CRACR2B: variants seen among roughly 807,000 people sequenced by gnomAD.
CRACR2B encodes calcium release activated channel regulator 2B.
In CRACR2B, 50 loss-of-function variants were observed where a neutral mutation model predicts 46.0. That is an observed-to-expected ratio of 1.09 (90% CI 0.87 to 1.38). The LOEUF (loss-of-function observed/expected upper bound fraction) is 1.38, where lower values mean the gene tolerates loss of function less well. Ranked by LOEUF, CRACR2B falls within the 40% of genes most tolerant of loss-of-function variation. CRACR2B has a pLI of 0.00. For missense variants in CRACR2B, 667 were observed against 535.0 expected (o/e 1.25, Z -2.43); for synonymous variants, 277 against 239.6 (o/e 1.16, Z -1.44).
In CRACR2B at chr11:830,665, G is replaced by A; in HGVS notation, c.738G>A (p.Leu246=). ...GERRSRLELE[L]QSREQDLERA... is the part of the protein sequence containing the mutation. ...GGAGAAGCCGTCTGGAGCTGGAGCT[G>A]CAGAGCCGCGAGCAGGACCTGGAAC... The change falls in exon 6 of 9, where the codon CTG becomes CTA. Residue 246 remains leucine (L), a synonymous_variant. Coordinates refer to ENST00000525077, the MANE Select transcript of CRACR2B (RefSeq NM_001286606.2). The A allele has an allele frequency of 1.3e-6, 2 of 1,547,452 alleles. No individual in the cohort carries two copies. The highest frequency in any genetic ancestry group is 1.7e-6 in the Non-Finnish European group (2 of 1,146,228).
At chr11:830,391 C>T (rs1218250472) in intron 5 of CRACR2B, 54 bp downstream of exon 5, 3 of 1,536,398 alleles carry the variant, frequency 2.0e-6, no homozygotes, top group East Asian at 4.9e-5. Context: ...TCGCTGGCCT[C>T]CCTGGCTCCG....
At position 828,517 on chromosome 11, in the gene CRACR2B, A is replaced by T. The variant is rs1846079712; in HGVS notation, c.-91A>T. 3.5e-6 allele frequency: 5 copies of T among 1,426,478 alleles called. No individual in the cohort carries two copies. Among genetic ancestry groups the T allele is most frequent in the Non-Finnish European group, 4.6e-6 (5 of 1,086,942 alleles). The allele number at this position is 1,426,478 out of a possible 1,614,324, so 88.4% of individuals were successfully genotyped here. On this transcript the variant is annotated 5_prime_UTR_variant, in exon 1 of 9. Transcript: ENST00000525077. ...GGCCCTCGGCTGAGCCTTCAGACAC[A>T]CTTGCACCCCATCCGCTCCCCTCCT...
upstream of CRACR2B, chr11:827,253 G>T (rs112203350): frequency 2.6e-5 from 4 of 152,240 alleles, no homozygotes; most frequent in Non-Finnish European, 5.9e-5. Flanking sequence ...GCTGGGGCGG[G>T]GCGCGCCCAG....
chr11:830,094 G>A lies in CRACR2B; in HGVS notation c.567G>A (p.Ala189=). ...GCGCGTCGGCCTGCCTGGAGGAGGC[G>A]GCCCGGGAGCGCGACGGCCTGGAGC... The part of the protein sequence containing the change: ...LIRASACLEE[A]ARERDGLEQA... Residue 189 remains alanine, a synonymous_variant, in exon 4 of 9, where the codon GCG becomes GCA. Transcript: ENST00000525077. The A allele has an allele frequency of 1.9e-6, 3 of 1,543,030 alleles. No homozygotes were observed. Among genetic ancestry groups the A allele is most frequent in the Non-Finnish European group, 2.6e-6 (3 of 1,149,348 alleles).
chr11:826,547 T>C (rs988354096), upstream of CRACR2B, among the ~76,000 whole-genome samples: 1 of 152,270 alleles, frequency 6.6e-6, no homozygotes. Context: ...TGTTTTGTTT[T>C]GAGATGGAGT....
Position 828,942 on chromosome 11 carries a change from A to C in CRACR2B, c.256A>C (p.Arg86=). Residue 86 remains arginine, a synonymous_variant, in exon 2 of 9, where the codon AGG becomes CGG. Coordinates refer to ENST00000525077, the MANE Select transcript of CRACR2B (RefSeq NM_001286606.2). ...DRAHTGFLTA[R]EFCLGLGMFV... The stretch of plus-strand genomic sequence containing the variant: ...GGCTCACACTGGCTTCCTCACCGCC[A>C]GGGAGTTCTGCCTGGGCCTGGGTGA... The C allele has an allele frequency of 6.2e-7, 1 of 1,605,636 alleles. No individual in the cohort carries two copies. The highest frequency in any genetic ancestry group is 8.5e-7 in the Non-Finnish European group (1 of 1,179,920).
chr11:830,207 A>G, intron 4 of CRACR2B, 43 bp from the exon 5 acceptor site: 1 of 1,494,230 alleles, frequency 6.7e-7, no homozygotes, highest in South Asian at 1.3e-5. Context: ...AGGGGGCTGT[A>G]GCGCTGGCAA....
chr11:830,832 G>A lies in CRACR2B; in HGVS notation c.787-34G>A, dbSNP rs763056469. On this transcript the variant is annotated intron_variant, in intron 6 of 8. Transcript: ENST00000525077. ...CGCAGCACCCCGGGGAAGAGGGGGCGTTCCTCGCCGGTCTCCATCCTTCCA... is the reference window on the plus strand; with the variant it reads ...CGCAGCACCCCGGGGAAGAGGGGGCATTCCTCGCCGGTCTCCATCCTTCCA... 2.1e-5 allele frequency: 32 copies of A among 1,496,492 alleles called. 2 individuals are homozygous for A. In the South Asian group the frequency reaches 3.9e-4, roughly 18 times the overall value. 92.7% of individuals were successfully genotyped at this position (1,496,492 alleles called of 1,614,324 possible).
chr11:828,672 G>A lies in CRACR2B; in HGVS notation c.65G>A (p.Gly22Asp), dbSNP rs904439343. 3 of 1,609,580 alleles carry A rather than the reference G, an allele frequency of 1.9e-6. No individual in the cohort carries two copies. Among genetic ancestry groups the A allele is most frequent in the South Asian group, 1.1e-5 (1 of 90,810 alleles). The change falls in exon 1 of 9, where the codon GGC becomes GAC. Residue 22 changes from glycine (G) to aspartate (D), a missense_variant. By Grantham distance (94) the Gly-to-Asp change is moderately conservative. Transcript: ENST00000525077. ...GAGGAGGAGGGGGAACTCGAGGGGG[G>A]CTCTGCAGGGCCGCGGGCTGCAATA... ...AQEEEGELEG[G>D]SAGPRAAILE... is the part of the protein sequence containing the mutation.
chr11:828,278 T>G lies in CRACR2B; in HGVS notation c.-330T>G. 1.2e-5 allele frequency: 4 copies of G among 325,632 alleles called. No homozygotes were observed. The highest frequency in any genetic ancestry group is 7.0e-5 in the East Asian group (1 of 14,198). 20.2% of individuals were successfully genotyped at this position (325,632 alleles called of 1,614,324 possible). On this transcript the variant is annotated 5_prime_UTR_variant, in exon 1 of 9. Coordinates refer to ENST00000525077, the MANE Select transcript of CRACR2B (RefSeq NM_001286606.2). ...TCACCAGGTCTTCTCCACTGGCCCC[T>G]GAGATTGCCATCACCTCCAGCTCCT... is the stretch of plus-strand genomic sequence containing the variant.
rs548024523 is a variant in CRACR2B, at chr11:829,663, T to C, written c.458+123T>C. On this transcript the variant is annotated intron_variant, in intron 3 of 8. Coordinates refer to ENST00000525077, the MANE Select transcript of CRACR2B (RefSeq NM_001286606.2). ...TCTCTAGGCCGGGTCAGGCCCAGCC[T>C]AGCGTCAGCTGCGATTCCCTGGGAG... is the stretch of plus-strand genomic sequence containing the variant. 4 of 1,163,312 alleles carry C rather than the reference T, an allele frequency of 3.4e-6. No homozygotes were observed. The African/African-American group carries it at 6.3e-5, about 18-fold the overall frequency. 72.1% of individuals were successfully genotyped at this position (1,163,312 alleles called of 1,614,324 possible). A position where few individuals can be genotyped will look rare whatever the true frequency, so the allele number is the denominator to read the frequency against.
At position 831,205 on chromosome 11, in the gene CRACR2B, C is replaced by T. The variant is rs191318331; in HGVS notation, c.954-19C>T. The T allele has an allele frequency of 6.2e-7, 1 of 1,610,496 alleles. No homozygotes were observed. ...CCAAGGAGCCTTCCTGCAGCCGGGT[C>T]ACCACCTCCCATCCACAGAGACGTG... is the stretch of plus-strand genomic sequence containing the variant. On this transcript the variant is annotated intron_variant, in intron 7 of 8. Coordinates refer to ENST00000525077, the MANE Select transcript of CRACR2B (RefSeq NM_001286606.2).
chr11:830,120 A>G lies in CRACR2B; in HGVS notation c.593A>G (p.Gln198Arg), dbSNP rs145926870. 0.04 allele frequency: 62,188 copies of G among 1,535,952 alleles called. 1,464 individuals carry two copies. The highest frequency in any genetic ancestry group is 0.046 in the Non-Finnish European group (52,273 of 1,146,082). Reference sequence around the variant, plus strand: ...GCCCGGGAGCGCGACGGCCTGGAGCAGGCGCTGCGGAGGTGAGGGCCGGGG... The same window carrying G: ...GCCCGGGAGCGCGACGGCCTGGAGCGGGCGCTGCGGAGGTGAGGGCCGGGG... ...EAARERDGLE[Q>R]ALRRRESEHE... Residue 198 changes from glutamine (Q) to arginine (R), a missense_variant, in exon 4 of 9, where the codon CAG (glutamine) becomes CGG (arginine). Physicochemically the swap from Gln to Arg is conservative, Grantham distance 43. Coordinates refer to ENST00000525077, the MANE Select transcript of CRACR2B (RefSeq NM_001286606.2).
At chr11:829,137 G>A in intron 2 of CRACR2B, 174 bp downstream of exon 2, 2 of 1,252,536 alleles carry the variant, frequency 1.6e-6, no homozygotes, top group Non-Finnish European at 2.2e-6. Context: ...TGGAGTGTGT[G>A]GAGCTGACCT....
At position 830,973 on chromosome 11, in the gene CRACR2B, G is replaced by T; in HGVS notation, c.894G>T (p.Ala298=). The stretch of plus-strand genomic sequence containing the variant: ...CGCTGCGAACGCAGCTGGAGGGGGC[G>T]CAGGAGCAGATCCGCAGGCTGGAGA... ...HEALRTQLEG[A]QEQIRRLESE... The change falls in exon 7 of 9, where the codon GCG becomes GCT. Residue 298 remains alanine, a synonymous_variant. Coordinates refer to ENST00000525077, the MANE Select transcript of CRACR2B (RefSeq NM_001286606.2). 6.5e-7 allele frequency: 1 copy of T among 1,533,716 alleles called. No individual in the cohort carries two copies. The highest frequency in any genetic ancestry group is 8.7e-7 in the Non-Finnish European group (1 of 1,146,634).
At position 829,442 on chromosome 11, in the gene CRACR2B, C is replaced by A; in HGVS notation, c.360C>A (p.Asp120Glu). 2 of 1,610,652 alleles carry A rather than the reference C, an allele frequency of 1.2e-6. No homozygotes were observed. Among genetic ancestry groups the A allele is most frequent in the East Asian group, 4.5e-5 (2 of 44,770 alleles). Residue 120 changes from aspartate to glutamate, a missense_variant, in exon 3 of 9, where the codon GAC (aspartate) becomes GAA (glutamate). Physicochemically the swap from Asp to Glu is conservative, Grantham distance 45 (BLOSUM62 2). Coordinates refer to ENST00000525077, the MANE Select transcript of CRACR2B (RefSeq NM_001286606.2). ...PEETFESGGLDVQGTAGSLDE... is the reference protein window; with the variant it reads ...PEETFESGGLEVQGTAGSLDE... ...AGACCTTTGAGTCGGGCGGGCTCGA[C>A]GTGCAGGGCACGGCGGGCTCTCTGG... is the stretch of plus-strand genomic sequence containing the variant.
At position 828,878 on chromosome 11, in the gene CRACR2B, G is replaced by A. The variant is rs754351281; in HGVS notation, c.192G>A (p.Thr64=). 43 of 1,610,226 alleles carry A rather than the reference G, an allele frequency of 2.7e-5. 1 individual carries two copies. In the East Asian group the frequency reaches 5.3e-4, roughly 20 times the overall value. The change falls in exon 2 of 9, where the codon ACG becomes ACA. Residue 64 remains threonine, a synonymous_variant. Transcript: ENST00000525077. ...LQGLQSDLPL[T]PEQLEAVFES... ...GTCTCCAGAGCGACCTGCCCCTCACGCCAGAGCAGCTGGAGGCTGTGTTTG... is the reference window on the plus strand; with the variant it reads ...GTCTCCAGAGCGACCTGCCCCTCACACCAGAGCAGCTGGAGGCTGTGTTTG...
At position 828,774 on chromosome 11, in the gene CRACR2B, T is replaced by A. The variant is rs781492690; in HGVS notation, c.165+2T>A. ...TTCATCACCAAGCACGACCTGCAGG[T>A]GAGTCCCCCACCCCAAGAGACTGCT... On this transcript the variant is annotated splice_donor_variant, in intron 1 of 8. Coordinates refer to ENST00000525077, the MANE Select transcript of CRACR2B (RefSeq NM_001286606.2). LOFTEE classifies it high-confidence loss of function. The A allele has an allele frequency of 1.2e-5, 20 of 1,613,136 alleles. No homozygotes were observed. The highest frequency in any genetic ancestry group is 1.2e-5 in the Non-Finnish European group (14 of 1,179,830).
At position 831,780 on chromosome 11, in the gene CRACR2B, T is replaced by C. The variant is rs1590203470; in HGVS notation, c.*71T>C. On this transcript the variant is annotated 3_prime_UTR_variant, in exon 9 of 9. Coordinates refer to ENST00000525077, the MANE Select transcript of CRACR2B (RefSeq NM_001286606.2). ...CAGGAGGCTTGTCATGGGTCGGGGG[T>C]GCCCACTCAGGATGCAGGCTCTCCC... 6.9e-7 allele frequency: 1 copy of C among 1,442,118 alleles called. No homozygotes were observed. Among genetic ancestry groups the C allele is most frequent in the Middle Eastern group, 2.5e-4 (1 of 4,070 alleles). 89.3% of individuals were successfully genotyped at this position (1,442,118 alleles called of 1,614,324 possible).
Sources: allele counts gnomAD v4.1 joint callset (sites outside exome capture counted in the v4.1 genomes callset), GRCh38; gene constraint gnomAD v4.1.1; transcripts MANE v1.5; gene names NCBI Gene and HGNC (gene_info 2026-07-23, HGNC 2026-07-21).